ATRN: variants seen among roughly 807,000 people sequenced by gnomAD.
The protein encoded by ATRN is attractin.
ATRN carries 54 observed loss-of-function variants against 178.7 expected under a neutral mutation model. The observed-to-expected ratio is 0.30, with a 90% CI of 0.24 to 0.38. ATRN has a LOEUF of 0.38. Among genes scored for constraint, ATRN ranks in the 10% least tolerant of loss-of-function variants. The pLI is 1.00. For missense variants in ATRN, 1,443 were observed against 1,815.1 expected, an observed-to-expected ratio of 0.79 and a Z score of 3.73; for synonymous variants, 636 against 663.0, an observed-to-expected ratio of 0.96 and a Z score of 0.63.
intron 25 of ATRN, among the ~76,000 whole-genome samples, chr20:3,625,633 A>G (rs2086932020): frequency 6.6e-6 from 1 of 152,178 alleles, no homozygotes; most frequent in Non-Finnish European, 1.5e-5. Flanking sequence ...CACAATGGTC[A>G]CACACAGGAA....
At chr20:3,490,934 T>G (rs1171339380) in intron 1 of ATRN, 1 of 1,453,204 alleles carries the variant, frequency 6.9e-7, no homozygotes, top group East Asian at 2.3e-5. Flanking sequence ...TGAGCATCTC[T>G]TTGGCCATGA....
chr20:3,572,968 C>G lies in ATRN; in HGVS notation c.2092+17C>G, dbSNP rs748194704. On this transcript the variant is annotated intron_variant, in intron 12 of 28. Transcript: ENST00000262919. ...CCAAAAGAAGTATGTTTTTTTTTCTCTACTTAGATTTTAATGAATTTGAGA... is the reference window on the plus strand; with the variant it reads ...CCAAAAGAAGTATGTTTTTTTTTCTGTACTTAGATTTTAATGAATTTGAGA... 1 of 1,601,122 alleles carries G rather than the reference C, an allele frequency of 6.2e-7. No individual in the cohort carries two copies. Among genetic ancestry groups the G allele is most frequent in the Non-Finnish European group, 8.5e-7 (1 of 1,170,110 alleles).
At chr20:3,565,681 G>A (rs1359008777) in intron 11 of ATRN, among the ~76,000 whole-genome samples, 1 of 151,540 alleles carries the variant, frequency 6.6e-6, no homozygotes, top group African/African-American at 2.4e-5. Flanking sequence ...CAGGAGAATC[G>A]CTTGAACGAG....
intron 1 of ATRN, among the ~76,000 whole-genome samples, chr20:3,505,944 G>T (rs2085037106): frequency 6.6e-6 from 1 of 152,178 alleles, no homozygotes; most frequent in South Asian, 2.1e-4. Context: ...TATGCTGATT[G>T]TAAAAGGGCA....
chr20:3,575,209 G>A (rs1026591476), intron 12 of ATRN, among the ~76,000 whole-genome samples: 22 of 152,110 alleles, frequency 1.4e-4, no homozygotes, highest in Admixed American at 1.2e-3. Flanking sequence ...TGATCCGCCC[G>A]CCTCGGCCTC....
intron 23 of ATRN, 38 bp from the exon 24 acceptor site, chr20:3,604,067 A>G (rs1600148822): frequency 4.5e-6 from 7 of 1,538,526 alleles, no homozygotes; most frequent in East Asian, 2.3e-5. Flanking sequence ...TAGCCCCCCA[A>G]AAAATGTCTC....
At position 3,545,808 on chromosome 20, in the gene ATRN, G is replaced by T; in HGVS notation, c.655G>T (p.Val219Phe). 1 of 1,614,150 alleles carries T rather than the reference G, an allele frequency of 6.2e-7. No individual in the cohort carries two copies. Among genetic ancestry groups the T allele is most frequent in the South Asian group, 1.1e-5 (1 of 91,086 alleles). Residue 219 changes from valine to phenylalanine, a missense_variant, in exon 4 of 29, where the codon GTT (valine) becomes TTT (phenylalanine). Val to Phe is a conservative substitution (Grantham distance 50, BLOSUM62 -1). This residue lies in a region of ATRN where 862 missense variants were observed against 972.1 expected (regional missense o/e 0.89). Coordinates refer to ENST00000262919, the MANE Select transcript of ATRN (RefSeq NM_139321.3). ...AGATGGCAATGAGACTGTCCCTGAGGTTGTTGCCACATCAGGTTATGCCTT... is the reference window on the plus strand; with the variant it reads ...AGATGGCAATGAGACTGTCCCTGAGTTTGTTGCCACATCAGGTTATGCCTT... Reference protein sequence around the residue: ...ERDGNETVPEVVATSGYALLH... With the variant: ...ERDGNETVPEFVATSGYALLH...
rs2085718997 is a variant in ATRN at position 3,547,348 on chromosome 20, A to G, written c.802A>G (p.Thr268Ala). The G allele has an allele frequency of 1.2e-6, 2 of 1,614,016 alleles. No individual in the cohort carries two copies. Among genetic ancestry groups the G allele is most frequent in the Admixed American group, 1.7e-5 (1 of 60,004 alleles). Residue 268 changes from threonine to alanine, a missense_variant, in exon 5 of 29, where the codon ACT (threonine) becomes GCT (alanine). By Grantham distance (58) the Thr-to-Ala change is moderately conservative (BLOSUM62 0). Transcript: ENST00000262919. Reference sequence around the variant, plus strand: ...GTGTAAGATCAGTAATAGCAGCGATACTGTTGAATGTGAATGTTCTGAAAA... The same window carrying G: ...GTGTAAGATCAGTAATAGCAGCGATGCTGTTGAATGTGAATGTTCTGAAAA... ...GECKISNSSD[T>A]VECECSENWK...
intron 6 of ATRN, among the ~76,000 whole-genome samples, chr20:3,552,550 T>C (rs1205433046): frequency 1.3e-5 from 2 of 152,234 alleles, no homozygotes; most frequent in Non-Finnish European, 1.5e-5. Flanking sequence ...TATCTCATGC[T>C]ACATAACAAA....
intron 1 of ATRN, among the ~76,000 whole-genome samples, chr20:3,527,291 A>G (rs2146163326): frequency 6.6e-6 from 1 of 152,356 alleles, no homozygotes; most frequent in African/African-American, 2.4e-5. Context: ...TTCTCAAAAG[A>G]AGACATTTAT....
chr20:3,617,470 G>A lies in ATRN; in HGVS notation c.3802-7041G>A, dbSNP rs79600408. Reference sequence around the variant, plus strand: ...AATTTACTAAAGCAGGATGATGAGCGTGTGAGGTTCATTATAGTGCTCTTT... The same window carrying A: ...AATTTACTAAAGCAGGATGATGAGCATGTGAGGTTCATTATAGTGCTCTTT... On this transcript the variant is annotated intron_variant, in intron 24 of 28. Coordinates refer to ENST00000262919, the MANE Select transcript of ATRN (RefSeq NM_139321.3). Among the ~76,000 whole-genome samples, 1,008 of 152,212 alleles carry A rather than the reference G, an allele frequency of 6.6e-3. 15 individuals are homozygous for A. The highest frequency in any genetic ancestry group is 0.023 in the African/African-American group (954 of 41,522).
At chr20:3,504,595 G>C (rs1332516345) in intron 1 of ATRN, among the ~76,000 whole-genome samples, 1 of 150,390 alleles carries the variant, frequency 6.6e-6, no homozygotes, top group Admixed American at 6.6e-5. Context: ...TGCGGCAGGA[G>C]AATCGCTTGA....
At chr20:3,534,788 A>T (rs2085501041) in intron 1 of ATRN, among the ~76,000 whole-genome samples, 3 of 151,924 alleles carry the variant, frequency 2.0e-5, no homozygotes, top group Admixed American at 1.3e-4. Context: ...ACATCGTGAG[A>T]CTCTGTTTCT....
chr20:3,512,105 ATATT>A (rs1432894231), intron 1 of ATRN, among the ~76,000 whole-genome samples: 12 of 113,420 alleles, frequency 1.1e-4, no homozygotes, highest in African/African-American at 5.0e-4. Flanking sequence ...ATATATATAT[ATATT>A]TTTTTTTTTT....
intron 27 of ATRN, among the ~76,000 whole-genome samples, chr20:3,639,410 G>A (rs1332726229): frequency 2.6e-5 from 4 of 151,934 alleles, no homozygotes; most frequent in Admixed American, 2.0e-4. Flanking sequence ...GCGCAACCAC[G>A]CCCAGCTGAT....
chr20:3,636,873 A>G (rs567612585), intron 26 of ATRN, among the ~76,000 whole-genome samples: 8 of 152,228 alleles, frequency 5.3e-5, no homozygotes, highest in African/African-American at 9.6e-5. Context: ...ACTAAGTGAA[A>G]GGGCACTAAG....
At chr20:3,550,838 A>G (rs2146206446) in intron 6 of ATRN, among the ~76,000 whole-genome samples, 1 of 152,280 alleles carries the variant, frequency 6.6e-6, no homozygotes, top group East Asian at 1.9e-4. Context: ...TCTTGGCTGG[A>G]CAACCCAGAG....
chr20:3,565,486 GGCCGGGCACGGTGGCTCAC>G, intron 11 of ATRN, 54 bp downstream of exon 11: 2 of 1,491,244 alleles, frequency 1.3e-6, no homozygotes, highest in East Asian at 4.5e-5. Context: ...GAAAATAAAG[GGCCGGGCACGGTGGCTCAC>G]GCCTGTAATT....
chr20:3,559,273 C>T (rs2085919380), intron 6 of ATRN, 120 bp from the exon 7 acceptor site: 7 of 735,984 alleles, frequency 9.5e-6, no homozygotes, highest in Non-Finnish European at 1.4e-5. Flanking sequence ...GTGACAAGTG[C>T]CCCCCTACAT....
Sources: allele counts gnomAD v4.1 joint callset (sites outside exome capture counted in the v4.1 genomes callset), GRCh38; gene constraint gnomAD v4.1.1; regional missense constraint gnomAD v4.1.1; transcripts MANE v1.5; gene names NCBI Gene and HGNC (gene_info 2026-07-23, HGNC 2026-07-21).